CDKAL1: variants seen among roughly 807,000 people sequenced by gnomAD.
CDKAL1 encodes the protein threonylcarbamoyladenosine tRNA methylthiotransferase.
Under a neutral mutation model 68.2 loss-of-function variants are expected in CDKAL1, and 32 were observed. The observed-to-expected ratio is 0.47, with a 90% confidence interval of 0.35 to 0.63. The LOEUF is 0.63. CDKAL1 is among the 30% of genes least tolerant of loss of function. The pLI is 0.00. For synonymous variants in CDKAL1, 234 were observed against 244.3 expected, an observed-to-expected ratio of 0.96 and a Z score of 0.39; for missense variants, 606 against 696.7, an observed-to-expected ratio of 0.87 and a Z score of 1.47.
chr6:20,680,551 A>G (rs562433288), intron 5 of CDKAL1, among the ~76,000 whole-genome samples: 32 of 152,342 alleles, frequency 2.1e-4, no homozygotes, highest in African/African-American at 3.1e-4. Context: ...TCAAACCATT[A>G]CTATTCTAGG....
chr6:21,084,724 G>A (rs909669858), intron 12 of CDKAL1, among the ~76,000 whole-genome samples: 3 of 152,112 alleles, frequency 2.0e-5, no homozygotes, highest in Non-Finnish European at 4.4e-5. Context: ...CAAATATAAA[G>A]AGGTGGAAGA....
At position 20,951,091 on chromosome 6, in the gene CDKAL1, C is replaced by T. The variant is rs375807398; in HGVS notation, c.743-4328C>T. Among the ~76,000 whole-genome samples, 4 of 152,200 alleles carry T rather than the reference C, an allele frequency of 2.6e-5. No homozygotes were observed. The East Asian group carries it at 7.7e-4, about 29-fold the overall frequency. ...ATGATGTGTACTTGATGTAGGTTTC[C>T]CTGCCATCCAGTGCTCTTTAACTAT... is the stretch of plus-strand genomic sequence containing the variant. On this transcript the variant is annotated intron_variant, in intron 9 of 15. Coordinates refer to ENST00000274695, the MANE Select transcript of CDKAL1 (RefSeq NM_017774.3).
At chr6:20,901,087 C>T (rs1761938200) in intron 9 of CDKAL1, among the ~76,000 whole-genome samples, 2 of 151,966 alleles carry the variant, frequency 1.3e-5, no homozygotes, top group African/African-American at 4.8e-5. Flanking sequence ...CTCACTGGTG[C>T]TTGCTCTGTG....
At chr6:20,855,852 G>A (rs931156629) in intron 9 of CDKAL1, among the ~76,000 whole-genome samples, 3 of 152,112 alleles carry the variant, frequency 2.0e-5, no homozygotes, top group Non-Finnish European at 2.9e-5. Flanking sequence ...TTCAGAAAGC[G>A]ATATGTGGAG....
intron 4 of CDKAL1, among the ~76,000 whole-genome samples, chr6:20,591,355 T>C: frequency 6.6e-6 from 1 of 152,222 alleles, no homozygotes; most frequent in East Asian, 1.9e-4. Context: ...CTCTTTAGTT[T>C]AATTAGATCC....
intron 8 of CDKAL1, among the ~76,000 whole-genome samples, chr6:20,793,851 A>C (rs972384586): frequency 6.8e-6 from 1 of 148,092 alleles, no homozygotes; most frequent in East Asian, 2.0e-4. Context: ...ATATATACAT[A>C]TATAAATATA....
chr6:20,610,140 TG>T (rs950866039), intron 4 of CDKAL1, among the ~76,000 whole-genome samples: 17 of 152,218 alleles, frequency 1.1e-4, no homozygotes, highest in Admixed American at 3.9e-4. Flanking sequence ...TAGTATTCCA[TG>T]GTGTGTATAT....
chr6:21,150,706 C>T (rs1173161978), intron 13 of CDKAL1, among the ~76,000 whole-genome samples: 3 of 152,212 alleles, frequency 2.0e-5, no homozygotes, highest in African/African-American at 7.2e-5. Flanking sequence ...TGAAATACAA[C>T]AGCCCAAGTT....
intron 12 of CDKAL1, among the ~76,000 whole-genome samples, chr6:21,065,755 G>A (rs1245138786): frequency 6.8e-6 from 1 of 147,458 alleles, no homozygotes; most frequent in Non-Finnish European, 1.5e-5. Context: ...AGTAGAATTA[G>A]ATGACTCATA....
At chr6:20,974,162 T>C (rs748752916) in intron 10 of CDKAL1, among the ~76,000 whole-genome samples, 88 of 152,212 alleles carry the variant, frequency 5.8e-4, no homozygotes, top group Non-Finnish European at 1.1e-3. Context: ...AGGTCTAAGA[T>C]GGCTCTTCTT....
chr6:21,064,245 A>C (rs1374335393), intron 11 of CDKAL1, among the ~76,000 whole-genome samples: 1 of 152,210 alleles, frequency 6.6e-6, no homozygotes, highest in Non-Finnish European at 1.5e-5. Flanking sequence ...GAAAGAAAGC[A>C]CACCCCTACA....
chr6:20,859,952 A>G (rs1048710935), intron 9 of CDKAL1, among the ~76,000 whole-genome samples: 10 of 152,108 alleles, frequency 6.6e-5, no homozygotes, highest in African/African-American at 2.4e-4. Flanking sequence ...TTTCACATTA[A>G]AGTGTCCACT....
At chr6:20,823,118 G>A (rs1777355677) in intron 8 of CDKAL1, among the ~76,000 whole-genome samples, 3 of 151,886 alleles carry the variant, frequency 2.0e-5, no homozygotes, top group Non-Finnish European at 2.9e-5. Context: ...GTTGATGTCC[G>A]TCCCTTTCTG....
chr6:20,534,953 G>C (rs1250258726), intron 1 of CDKAL1: 1 of 152,196 alleles, frequency 6.6e-6, no homozygotes, highest in African/African-American at 2.4e-5. Flanking sequence ...GAGAAAAGCA[G>C]GTGTCTTGCT....
intron 2 of CDKAL1, among the ~76,000 whole-genome samples, chr6:20,541,921 A>G (rs909567069): frequency 2.0e-5 from 3 of 152,176 alleles, no homozygotes; most frequent in African/African-American, 4.8e-5. Flanking sequence ...TGGCCTCCCA[A>G]AGTGTTGGGA....
chr6:21,079,359 G>A (rs1288315452), intron 12 of CDKAL1, among the ~76,000 whole-genome samples: 1 of 152,184 alleles, frequency 6.6e-6, no homozygotes, highest in Non-Finnish European at 1.5e-5. Context: ...GCTCTGTCTA[G>A]GTGGCAGGGG....
chr6:20,795,102 T>G (rs1776054849), intron 8 of CDKAL1, among the ~76,000 whole-genome samples: 1 of 152,128 alleles, frequency 6.6e-6, no homozygotes. Context: ...TCCTTTTCTA[T>G]TCACTCATTA....
At chr6:20,823,307 C>T (rs146258086) in intron 8 of CDKAL1, among the ~76,000 whole-genome samples, 1 of 152,098 alleles carries the variant, frequency 6.6e-6, no homozygotes, top group Non-Finnish European at 1.5e-5. Flanking sequence ...TTACAGTTAC[C>T]TGTGCATTTG....
chr6:20,771,948 G>A (rs1422328746), intron 7 of CDKAL1, among the ~76,000 whole-genome samples: 1 of 152,152 alleles, frequency 6.6e-6, no homozygotes, highest in Non-Finnish European at 1.5e-5. Context: ...AAATTACGCA[G>A]CCTCAGGTAT....
Sources: gnomAD v4.1 joint callset for allele counts (sites outside exome capture counted in the v4.1 genomes callset) on GRCh38, gnomAD v4.1.1 for gene constraint, MANE v1.5 for transcripts, NCBI Gene and HGNC (gene_info 2026-07-23, HGNC 2026-07-21) for gene names.